CDK19: variants seen among roughly 807,000 people sequenced by gnomAD.
The protein encoded by CDK19 is cyclin dependent kinase 19, also known as cyclin-dependent kinase 19.
CDK19 carries 20 observed loss-of-function variants against 68.3 expected under a neutral mutation model. That is an observed-to-expected ratio of 0.29 (90% confidence interval 0.21 to 0.43). CDK19 has a LOEUF of 0.43. CDK19 is among the 20% of genes least tolerant of loss of function. The probability of loss-of-function intolerance (pLI) is 1.00; values close to 1 mark genes in which losing one functional copy is unlikely to be tolerated. For synonymous variants in CDK19, 221 were observed against 222.8 expected (o/e 0.99, Z 0.07); for missense variants, 339 against 623.5 (o/e 0.54, Z 4.86).
chr6:110,688,674 C>G (rs1377399929), intron 2 of CDK19, among the ~76,000 whole-genome samples: 2 of 152,146 alleles, frequency 1.3e-5, no homozygotes. Flanking sequence ...CCACCCAGCA[C>G]AGGAGCTGAT....
intron 1 of CDK19, among the ~76,000 whole-genome samples, chr6:110,785,065 C>A (rs1355556321): frequency 8.0e-6 from 1 of 124,682 alleles, no homozygotes; most frequent in African/African-American, 3.3e-5. Context: ...CTAAAAACCA[C>A]TGAATTGTCA....
chr6:110,756,578 G>A (rs1778854630), intron 1 of CDK19, among the ~76,000 whole-genome samples: 1 of 151,698 alleles, frequency 6.6e-6, no homozygotes, highest in African/African-American at 2.4e-5. Context: ...ATTATCTACT[G>A]TGGCCAAATA....
chr6:110,677,588 A>AGG, intron 2 of CDK19, among the ~76,000 whole-genome samples: 2 of 150,834 alleles, frequency 1.3e-5, no homozygotes, highest in South Asian at 4.5e-4. Context: ...AAAAAAAAAA[A>AGG]AGGAAGAAGA....
At chr6:110,740,023 G>C (rs1330171678) in intron 2 of CDK19, among the ~76,000 whole-genome samples, 1 of 151,766 alleles carries the variant, frequency 6.6e-6, no homozygotes, top group Non-Finnish European at 1.5e-5. Flanking sequence ...TATTATTCCA[G>C]ATTAAATTAT....
At chr6:110,793,854 G>C (rs987954153) in intron 1 of CDK19, among the ~76,000 whole-genome samples, 1 of 152,184 alleles carries the variant, frequency 6.6e-6, no homozygotes, top group African/African-American at 2.4e-5. Flanking sequence ...TGAACAGACA[G>C]AGGAAAGGAG....
At chr6:110,736,343 A>T (rs1039305148) in intron 2 of CDK19, among the ~76,000 whole-genome samples, 3 of 152,068 alleles carry the variant, frequency 2.0e-5, no homozygotes, top group African/African-American at 7.2e-5. Flanking sequence ...TTCCATTTCA[A>T]AATAAATAAA....
chr6:110,770,784 C>T (rs1389206039), intron 1 of CDK19, among the ~76,000 whole-genome samples: 1 of 152,148 alleles, frequency 6.6e-6, no homozygotes, highest in Admixed American at 6.5e-5. Flanking sequence ...CTAGTCACTT[C>T]CTAGATACAA....
At chr6:110,709,844 A>T (rs1174985291) in intron 2 of CDK19, among the ~76,000 whole-genome samples, 1 of 152,214 alleles carries the variant, frequency 6.6e-6, no homozygotes, top group Non-Finnish European at 1.5e-5. Context: ...TATATATACA[A>T]GGGTAGAATC....
intron 2 of CDK19, among the ~76,000 whole-genome samples, chr6:110,722,877 G>A (rs1357989485): frequency 9.3e-5 from 14 of 151,102 alleles, no homozygotes; most frequent in Admixed American, 9.2e-4. Flanking sequence ...AAAAAAAAAA[G>A]GATTCCTGAT....
intron 1 of CDK19, among the ~76,000 whole-genome samples, chr6:110,753,118 C>A (rs1468759627): frequency 1.3e-5 from 2 of 151,900 alleles, no homozygotes; most frequent in African/African-American, 4.8e-5. Context: ...TTTGTAGAGA[C>A]AGGGTTGTGC....
chr6:110,813,181 T>C (rs919802590), intron 1 of CDK19: 1 of 152,070 alleles, frequency 6.6e-6, no homozygotes, highest in African/African-American at 2.4e-5. Context: ...AAGTACTTTA[T>C]TAGAGGGGAA....
At chr6:110,614,745 G>A (rs141182563) in intron 12 of CDK19, 79 bp from the exon 13 acceptor site, 1 of 1,427,190 alleles carries the variant, frequency 7.0e-7, no homozygotes, top group African/African-American at 1.4e-5. Flanking sequence ...GTAGGATAGA[G>A]ATATAAGCCG....
intron 4 of CDK19, among the ~76,000 whole-genome samples, chr6:110,643,772 A>G (rs781380939): frequency 1.2e-4 from 18 of 152,158 alleles, no homozygotes; most frequent in Non-Finnish European, 2.1e-4. Flanking sequence ...AAAATACCGC[A>G]TTAAAGAAAT....
chr6:110,638,230 T>G (rs1582741865), intron 5 of CDK19, among the ~76,000 whole-genome samples: 1 of 152,154 alleles, frequency 6.6e-6, no homozygotes, highest in Non-Finnish European at 1.5e-5. Context: ...TGTGGTGAAG[T>G]AGGGAGAACC....
At chr6:110,748,574 T>C (rs1217653254) in intron 1 of CDK19, among the ~76,000 whole-genome samples, 1 of 152,256 alleles carries the variant, frequency 6.6e-6, no homozygotes, top group Non-Finnish European at 1.5e-5. Flanking sequence ...TGATGCAGCA[T>C]CTCTAAGGTT....
intron 4 of CDK19, among the ~76,000 whole-genome samples, chr6:110,664,068 C>G (rs192469225): frequency 2.0e-5 from 3 of 152,174 alleles, no homozygotes; most frequent in Admixed American, 2.0e-4. Flanking sequence ...ACAAAAAGAC[C>G]CCAAAAACTC....
intron 1 of CDK19, among the ~76,000 whole-genome samples, chr6:110,764,688 C>T (rs1455197357): frequency 1.3e-5 from 2 of 152,176 alleles, no homozygotes; most frequent in Admixed American, 6.5e-5. Flanking sequence ...CGGTGGCTCA[C>T]GCCTCCAATC....
chr6:110,662,138 T>C (rs1333920003), intron 4 of CDK19, among the ~76,000 whole-genome samples: 1 of 151,988 alleles, frequency 6.6e-6, no homozygotes, highest in African/African-American at 2.4e-5. Context: ...CCGAGCTAAT[T>C]TTTGTATTTT....
At chr6:110,779,009 T>G (rs570782425) in intron 1 of CDK19, among the ~76,000 whole-genome samples, 1 of 152,180 alleles carries the variant, frequency 6.6e-6, no homozygotes, top group Non-Finnish European at 1.5e-5. Context: ...GTGAGAAATA[T>G]ACCTCTATTT....
Sources: gnomAD v4.1 joint callset for allele counts (sites outside exome capture counted in the v4.1 genomes callset) on GRCh38, gnomAD v4.1.1 for gene constraint, MANE v1.5 for transcripts, NCBI Gene and HGNC (gene_info 2026-07-23, HGNC 2026-07-21) for gene names.